The following PSMB7 variants were observed in gnomAD, a reference collection of about 807,000 sequenced individuals.
PSMB7 encodes the protein proteasome subunit beta type-7.
Under a neutral mutation model 28.1 loss-of-function variants are expected in PSMB7, and 5 were observed. That is an observed-to-expected ratio of 0.18 (90% CI 0.09 to 0.37). PSMB7 has a LOEUF of 0.37. Among genes scored for constraint, PSMB7 ranks in the 10% least tolerant of loss-of-function variants. PSMB7 has a pLI of 1.00. For synonymous variants in PSMB7, 122 were observed against 123.7 expected, an observed-to-expected ratio of 0.99 and a Z score of 0.09; for missense variants, 275 against 346.2, an observed-to-expected ratio of 0.79 and a Z score of 1.63.
At chr9:124,378,127 C>G (rs1830631703) in intron 6 of PSMB7, among the ~76,000 whole-genome samples, 1 of 152,254 alleles carries the variant, frequency 6.6e-6, no homozygotes, top group South Asian at 2.1e-4. Flanking sequence ...ATCCTCTCAG[C>G]TTTTGGCAGC....
At chr9:124,383,372 A>G (rs1258835993) in intron 6 of PSMB7, among the ~76,000 whole-genome samples, 1 of 152,214 alleles carries the variant, frequency 6.6e-6, no homozygotes, top group Non-Finnish European at 1.5e-5. Context: ...GCTATCCGAG[A>G]AGCGAAGAAA....
chr9:124,379,804 T>A (rs1830647351), intron 6 of PSMB7, among the ~76,000 whole-genome samples: 1 of 152,250 alleles, frequency 6.6e-6, no homozygotes, highest in Non-Finnish European at 1.5e-5. Context: ...GTTATCGTCC[T>A]CTGTTACCTT....
At chr9:124,403,109 C>G (rs1830928910) in intron 5 of PSMB7, among the ~76,000 whole-genome samples, 1 of 152,104 alleles carries the variant, frequency 6.6e-6, no homozygotes, top group Non-Finnish European at 1.5e-5. Flanking sequence ...AAAACACCAG[C>G]TACACGATAC....
chr9:124,409,959 A>G (rs965449937), intron 4 of PSMB7, among the ~76,000 whole-genome samples: 1 of 152,230 alleles, frequency 6.6e-6, no homozygotes, highest in African/African-American at 2.4e-5. Flanking sequence ...TAACTTTTAC[A>G]AAGTATCTTG....
At chr9:124,373,942 GTACAC>G (rs1477608822) in intron 6 of PSMB7, among the ~76,000 whole-genome samples, 2 of 152,100 alleles carry the variant, frequency 1.3e-5, no homozygotes, top group African/African-American at 4.8e-5. Flanking sequence ...ACAAAAACTT[GTACAC>G]CAATGCTCAC....
intron 5 of PSMB7, among the ~76,000 whole-genome samples, chr9:124,395,300 C>A (rs1179050902): frequency 2.0e-5 from 3 of 151,686 alleles, no homozygotes; most frequent in East Asian, 3.9e-4. Flanking sequence ...GCCCGAAAAA[C>A]ACAGTGAGAC....
At chr9:124,387,357 A>C (rs74494404) in intron 5 of PSMB7, among the ~76,000 whole-genome samples, 1 of 152,356 alleles carries the variant, frequency 6.6e-6, no homozygotes, top group African/African-American at 2.4e-5. Context: ...TTGGAACAAA[A>C]GAGTTTCTCC....
At chr9:124,402,221 G>C (rs761889574) in intron 5 of PSMB7, among the ~76,000 whole-genome samples, 3 of 152,094 alleles carry the variant, frequency 2.0e-5, no homozygotes, top group Admixed American at 6.6e-5. Flanking sequence ...CCCATCACCC[G>C]GAACTCAAAT....
rs756964411 is a variant in PSMB7 at position 124,353,702 on chromosome 9, G to C, written c.730C>G (p.Arg244Gly). 6.2e-7 allele frequency: 1 copy of C among 1,611,370 alleles called. No homozygotes were observed. The highest frequency in any genetic ancestry group is 8.5e-7 in the Non-Finnish European group (1 of 1,177,558). Residue 244 changes from arginine to glycine, a missense_variant, in exon 8 of 8, where the codon CGG (arginine) becomes GGG (glycine). By Grantham distance (125) the Arg-to-Gly change is moderately radical. This residue lies in a region of PSMB7 where 213 missense variants were observed against 302.4 expected (regional missense o/e 0.70). Coordinates refer to ENST00000259457, the MANE Select transcript of PSMB7 (RefSeq NM_002799.4). ...GTAGTCCCTTTCTCACACCTGTACC[G>C]GCCAAGCCTAGTAAGAGAAAAACAA... ...VPNKKGTRLG[R>G]YRCEKGTTAV...
intron 6 of PSMB7, among the ~76,000 whole-genome samples, chr9:124,357,364 G>C (rs1423534643): frequency 2.6e-5 from 4 of 152,168 alleles, no homozygotes; most frequent in Admixed American, 6.5e-5. Context: ...CAGTGGGCCA[G>C]ATCTGGCCCA....
At chr9:124,359,141 A>C (rs1830444343) in intron 6 of PSMB7, among the ~76,000 whole-genome samples, 1 of 152,260 alleles carries the variant, frequency 6.6e-6, no homozygotes, top group African/African-American at 2.4e-5. Context: ...ATTATCATGT[A>C]TGCTGTTATT....
intron 7 of PSMB7, among the ~76,000 whole-genome samples, chr9:124,355,219 A>C (rs972976707): frequency 2.0e-5 from 3 of 152,178 alleles, no homozygotes; most frequent in African/African-American, 7.2e-5. Flanking sequence ...GTTACTGCAC[A>C]CCCACCACAC....
chr9:124,403,963 C>G (rs1221095493), intron 5 of PSMB7, among the ~76,000 whole-genome samples: 1 of 150,890 alleles, frequency 6.6e-6, no homozygotes, highest in Non-Finnish European at 1.5e-5. Flanking sequence ...TTGATCACAG[C>G]TCATTGCAAC....
intron 7 of PSMB7, among the ~76,000 whole-genome samples, chr9:124,355,913 G>A (rs1830400141): frequency 6.6e-6 from 1 of 152,236 alleles, no homozygotes; most frequent in African/African-American, 2.4e-5. Flanking sequence ...CTGATGTGGA[G>A]TTGTGTGTGC....
intron 6 of PSMB7, among the ~76,000 whole-genome samples, chr9:124,382,218 TTTTTTTTG>T (rs1224523765): frequency 2.3e-4 from 24 of 104,900 alleles, no homozygotes; most frequent in Non-Finnish European, 4.9e-4. Context: ...TTTTTTTTTT[TTTTTTTTG>T]AGACAAAGTC....
At chr9:124,412,539 G>A (rs1831039685) in intron 3 of PSMB7, 47 bp from the exon 4 acceptor site, 9 of 1,604,264 alleles carry the variant, frequency 5.6e-6, no homozygotes, top group Non-Finnish European at 7.7e-6. Flanking sequence ...TTACCAGAGG[G>A]CTCAATTAGA....
intron 3 of PSMB7, 43 bp from the exon 4 acceptor site, chr9:124,412,535 G>T (rs1278856916): frequency 6.2e-7 from 1 of 1,607,936 alleles, no homozygotes; most frequent in Non-Finnish European, 8.5e-7. Context: ...CCAATTACCA[G>T]AGGGCTCAAT....
chr9:124,383,677 C>G (rs772508358), intron 6 of PSMB7: 1 of 152,200 alleles, frequency 6.6e-6, no homozygotes, highest in African/African-American at 2.4e-5. Flanking sequence ...TTCCCAGAGA[C>G]ACCCTCTGGT....
chr9:124,359,726 C>T (rs568793998), intron 6 of PSMB7, among the ~76,000 whole-genome samples: 3 of 152,248 alleles, frequency 2.0e-5, no homozygotes, highest in South Asian at 2.1e-4. Context: ...TGGTGTTTGC[C>T]GGTTTCTCTC....
Sources: allele counts gnomAD v4.1 joint callset (sites outside exome capture counted in the v4.1 genomes callset), GRCh38; gene constraint gnomAD v4.1.1; regional missense constraint gnomAD v4.1.1; transcripts MANE v1.5; gene names NCBI Gene and HGNC (gene_info 2026-07-23, HGNC 2026-07-21).